Variants in THRAP3 observed in about 807,000 individuals in gnomAD.
The protein encoded by THRAP3 is thyroid hormone receptor-associated protein 3.
THRAP3 carries 16 observed loss-of-function variants against 101.0 expected under a neutral mutation model. The ratio of observed to expected loss-of-function variants is 0.16; its 90% CI spans 0.11 to 0.24. The LOEUF (loss-of-function observed/expected upper bound fraction) is 0.24. Ranked by LOEUF, THRAP3 falls within the 10% of genes least tolerant of loss-of-function variation. The pLI is 1.00. For missense variants in THRAP3, 989 were observed against 1,202.7 expected, an observed-to-expected ratio of 0.82 and a Z score of 2.63; for synonymous variants, 407 against 422.6, an observed-to-expected ratio of 0.96 and a Z score of 0.45.
chr1:36,258,273 A>G (rs1304928662), intron 1 of THRAP3, among the ~76,000 whole-genome samples: 1 of 152,230 alleles, frequency 6.6e-6, no homozygotes. Context: ...GGAGTGAGGA[A>G]TCAGGGGAAG....
chr1:36,259,675 A>C (rs2124487646), intron 2 of THRAP3, among the ~76,000 whole-genome samples, 191 bp downstream of exon 2: 1 of 151,784 alleles, frequency 6.6e-6, no homozygotes, highest in East Asian at 1.9e-4. Flanking sequence ...CTGAGGCAGA[A>C]GGATAGCTTG....
chr1:36,277,095 A>C (rs1308640303), intron 2 of THRAP3, among the ~76,000 whole-genome samples: 1 of 151,474 alleles, frequency 6.6e-6, no homozygotes, highest in Non-Finnish European at 1.5e-5. Context: ...CAGCCTCCTG[A>C]GTAGCTGGGA....
intron 1 of THRAP3, among the ~76,000 whole-genome samples, chr1:36,254,588 C>T (rs1183076624): frequency 6.6e-6 from 1 of 152,182 alleles, no homozygotes; most frequent in East Asian, 1.9e-4. Context: ...AGTGAGACCA[C>T]TGAAGGCAGT....
chr1:36,262,862 C>T (rs996930339), intron 2 of THRAP3, among the ~76,000 whole-genome samples: 5 of 150,656 alleles, frequency 3.3e-5, no homozygotes, highest in Non-Finnish European at 5.9e-5. Context: ...GGCGCGATCT[C>T]GGCTCACTAC....
At chr1:36,298,146 CAAA>C (rs10653561) in intron 9 of THRAP3, among the ~76,000 whole-genome samples, 2 of 95,996 alleles carry the variant, frequency 2.1e-5, no homozygotes, top group Non-Finnish European at 4.0e-5. Flanking sequence ...GACTTCATCT[CAAA>C]AAAAAAAAAA....
intron 2 of THRAP3, among the ~76,000 whole-genome samples, chr1:36,263,379 G>C (rs980577458): frequency 6.6e-6 from 1 of 152,040 alleles, no homozygotes; most frequent in African/African-American, 2.4e-5. Context: ...GGATTTCAGG[G>C]GTGAGCTACT....
chr1:36,241,385 G>GTATATATATATA (rs1166260923), intron 1 of THRAP3, among the ~76,000 whole-genome samples: 22 of 8,620 alleles, frequency 2.6e-3, no homozygotes, highest in African/African-American at 3.3e-3. Flanking sequence ...GATAATGGGT[G>GTATATATATATA]TATATATATA....
At chr1:36,216,519 A>AT in the THRAP3 span, among the ~76,000 whole-genome samples, 587 of 145,450 alleles carry the variant, frequency 4.0e-3, 6 homozygotes, top group African/African-American at 0.014. Flanking sequence ...AAAAAAAAAA[A>AT]TGCCGGGTGT....
intron 2 of THRAP3, among the ~76,000 whole-genome samples, chr1:36,271,835 CA>C (rs1451262734): frequency 6.6e-6 from 1 of 151,928 alleles, no homozygotes; most frequent in Non-Finnish European, 1.5e-5. Context: ...CTCAGGTGAT[CA>C]GCCCGCCTCG....
At chr1:36,266,905 A>C (rs1047929963) in intron 2 of THRAP3, among the ~76,000 whole-genome samples, 2 of 145,818 alleles carry the variant, frequency 1.4e-5, no homozygotes, top group Non-Finnish European at 3.1e-5. Context: ...TTTGAGATAG[A>C]GTTTTACTCT....
chr1:36,284,191 A>G (rs1188590879), intron 3 of THRAP3, among the ~76,000 whole-genome samples: 1 of 152,256 alleles, frequency 6.6e-6, no homozygotes, highest in African/African-American at 2.4e-5. Context: ...TGAAGTATTT[A>G]TGACAGCTGG....
chr1:36,256,550 C>G (rs982076520), intron 1 of THRAP3, among the ~76,000 whole-genome samples: 1 of 151,972 alleles, frequency 6.6e-6, no homozygotes, highest in Non-Finnish European at 1.5e-5. Flanking sequence ...TGGGCATTAT[C>G]TACTAATTTC....
the THRAP3 span, among the ~76,000 whole-genome samples, chr1:36,208,217 T>G: frequency 6.6e-6 from 1 of 152,182 alleles, no homozygotes; most frequent in Non-Finnish European, 1.5e-5. Flanking sequence ...CTCTCTGAGC[T>G]TCCTCTCATA....
At chr1:36,277,886 A>G (rs1645681338) in intron 2 of THRAP3, among the ~76,000 whole-genome samples, 1 of 151,874 alleles carries the variant, frequency 6.6e-6, no homozygotes, top group South Asian at 2.1e-4. Context: ...CAGCCTCCCA[A>G]GTAGCTGGGA....
intron 2 of THRAP3, among the ~76,000 whole-genome samples, chr1:36,279,412 C>T (rs1442347687): frequency 1.3e-5 from 2 of 152,150 alleles, no homozygotes; most frequent in Admixed American, 1.3e-4. Context: ...CAAAATAATG[C>T]TTAAGAACAA....
chr1:36,287,633 G>A, intron 4 of THRAP3: 2 of 985,366 alleles, frequency 2.0e-6, no homozygotes, highest in Non-Finnish European at 2.4e-6. Flanking sequence ...GGAGCTCTTA[G>A]ACCCTCTAGC....
chr1:36,262,521 T>C (rs561846819), intron 2 of THRAP3, among the ~76,000 whole-genome samples: 1 of 152,324 alleles, frequency 6.6e-6, no homozygotes, highest in Admixed American at 6.5e-5. Context: ...CTGTAAAAGC[T>C]GTCAAACAGC....
chr1:36,271,016 TAAG>T (rs1645584060), intron 2 of THRAP3, among the ~76,000 whole-genome samples: 1 of 152,152 alleles, frequency 6.6e-6, no homozygotes, highest in Non-Finnish European at 1.5e-5. Flanking sequence ...AAAATTAAAG[TAAG>T]AAGCAAGTGC....
intron 1 of THRAP3, among the ~76,000 whole-genome samples, chr1:36,254,732 A>C (rs2124468765): frequency 6.6e-6 from 1 of 152,294 alleles, no homozygotes; most frequent in East Asian, 1.9e-4. Context: ...ATCTGGGGGA[A>C]AAAAAGAAGT....
Sources: allele counts gnomAD v4.1 joint callset (sites outside exome capture counted in the v4.1 genomes callset), GRCh38; gene constraint gnomAD v4.1.1; transcripts MANE v1.5; gene names NCBI Gene and HGNC (gene_info 2026-07-23, HGNC 2026-07-21).